Variants in DOCK1 observed in about 807,000 individuals in gnomAD.
The protein encoded by DOCK1 is dedicator of cytokinesis protein 1.
DOCK1 carries 138 observed loss-of-function variants against 262.7 expected under a neutral mutation model. The ratio of observed to expected loss-of-function variants is 0.53; its 90% CI spans 0.46 to 0.61. DOCK1 has a LOEUF of 0.61. DOCK1 is among the 20% of genes least tolerant of loss of function. The probability of loss-of-function intolerance (pLI) is 0.00; values close to 1 mark genes in which losing one functional copy is unlikely to be tolerated. For missense variants in DOCK1, 1,908 were observed against 2,370.7 expected (o/e 0.80, Z 4.05); for synonymous variants, 866 against 867.4 (o/e 1.00, Z 0.03).
rs1051029066 is a variant in DOCK1 at position 126,931,015 on chromosome 10, C to G, written c.46+25452C>G. Among the ~76,000 whole-genome samples the G allele has an allele frequency of 3.8e-3, 572 of 152,262 alleles. 3 individuals carry two copies. The highest frequency in any genetic ancestry group is 0.01 in the African/African-American group (432 of 41,566). The stretch of plus-strand genomic sequence containing the variant: ...ATGGGCAGTGCCAGCATCAGATTCC[C>G]TGCGTCGAGGATGGGGGCCCCAGGA... On this transcript the variant is annotated intron_variant, in intron 1 of 51. Coordinates refer to ENST00000623213, the MANE Select transcript of DOCK1 (RefSeq NM_001290223.2).
rs113267450 is a variant in DOCK1, at chr10:127,321,365, A to ATTT, written c.3045-17633_3045-17631dup. Among the ~76,000 whole-genome samples, 86 of 127,172 alleles carry ATTT rather than the reference A, an allele frequency of 6.8e-4. 1 individual carries two copies. Among genetic ancestry groups the ATTT allele is most frequent in the East Asian group, 1.2e-3 (5 of 4,300 alleles). 83.4% of individuals were successfully genotyped at this position (127,172 alleles called of 152,430 possible). On this transcript the variant is annotated intron_variant, in intron 29 of 51. Transcript: ENST00000623213. ...CCTTCTCTCGCTCTCTCTCTAGCTCATTTTTTTTTTCTTCTGCCCGGAAGA... is the reference window on the plus strand; with the variant it reads ...CCTTCTCTCGCTCTCTCTCTAGCTCATTTTTTTTTTTTTCTTCTGCCCGGAAGA...
chr10:127,050,695 ACT>A (rs1281122156), intron 21 of DOCK1, among the ~76,000 whole-genome samples: 3 of 148,212 alleles, frequency 2.0e-5, no homozygotes, highest in Admixed American at 6.8e-5. Context: ...ACAGAGCAAG[ACT>A]CTGTCTGAAA....
intron 29 of DOCK1, among the ~76,000 whole-genome samples, chr10:127,261,276 C>T (rs547062121): frequency 0.054 from 3,702 of 68,612 alleles, 162 homozygotes; most frequent in Non-Finnish European, 0.066. Context: ...TGTGTGTGTG[C>T]CTGCATGTGT....
At chr10:126,957,961 CAT>C (rs2036881763) in intron 1 of DOCK1, among the ~76,000 whole-genome samples, 1 of 152,184 alleles carries the variant, frequency 6.6e-6, no homozygotes, top group Non-Finnish European at 1.5e-5. Context: ...AGAAGTCAGA[CAT>C]AAAGGAGCAC....
intron 23 of DOCK1, among the ~76,000 whole-genome samples, chr10:127,088,032 A>T (rs1185274141): frequency 2.0e-5 from 3 of 152,178 alleles, no homozygotes; most frequent in Non-Finnish European, 2.9e-5. Context: ...ATTTGCTCTA[A>T]ATCATCTTTT....
chr10:127,163,366 G>T (rs1013619603), intron 27 of DOCK1, among the ~76,000 whole-genome samples: 4 of 152,046 alleles, frequency 2.6e-5, no homozygotes, highest in African/African-American at 9.7e-5. Context: ...TATACCGGGA[G>T]CTGTAGCTAT....
At position 127,252,899 on chromosome 10, in the gene DOCK1, T is replaced by A. The variant is rs553966789; in HGVS notation, c.2950-4436T>A. ...TTTTTTGGTTCTATTTTCTTGAGAC[T>A]ATTTCCTTTTAACAAGTACTAATTC... On this transcript the variant is annotated intron_variant, in intron 28 of 51. Coordinates refer to ENST00000623213, the MANE Select transcript of DOCK1 (RefSeq NM_001290223.2). 1.6e-4 allele frequency among the ~76,000 whole-genome samples: 25 copies of A among 152,294 alleles called. No individual in the cohort carries two copies. The East Asian group carries it at 3.5e-3, about 21-fold the overall frequency.
intron 17 of DOCK1, 116 bp from the exon 18 acceptor site, chr10:127,032,021 A>T: frequency 7.8e-7 from 1 of 1,284,472 alleles, no homozygotes; most frequent in Non-Finnish European, 1.1e-6. Flanking sequence ...ATGTGTATTT[A>T]ATATGATACA....
chr10:126,939,040 G>A (rs1263883139), intron 1 of DOCK1, among the ~76,000 whole-genome samples: 1 of 102,420 alleles, frequency 9.8e-6, no homozygotes, highest in Non-Finnish European at 1.9e-5. Flanking sequence ...GGATGAACAC[G>A]GTGGGGGGAT....
intron 49 of DOCK1, among the ~76,000 whole-genome samples, chr10:127,442,436 G>A (rs890923919): frequency 4.6e-5 from 7 of 152,134 alleles, no homozygotes; most frequent in Non-Finnish European, 7.3e-5. Flanking sequence ...GGGTTAATAC[G>A]TTTTCTAATT....
chr10:127,341,659 G>A (rs980301667), intron 30 of DOCK1, among the ~76,000 whole-genome samples: 2 of 152,112 alleles, frequency 1.3e-5, no homozygotes, highest in African/African-American at 4.8e-5. Flanking sequence ...CTCTGGTGGG[G>A]GAGCCTGTTT....
At chr10:127,439,295 C>A in intron 49 of DOCK1, 70 bp downstream of exon 49, 2 of 1,492,826 alleles carry the variant, frequency 1.3e-6, no homozygotes, top group South Asian at 1.3e-5. Context: ...CACCTGTAGC[C>A]AACAGGGCTG....
intron 11 of DOCK1, 71 bp downstream of exon 11, chr10:127,008,875 T>TAAAG: frequency 9.5e-6 from 12 of 1,260,828 alleles, no homozygotes; most frequent in Non-Finnish European, 1.2e-5. Flanking sequence ...TAATTATCTT[T>TAAAG]ATAATTAAAT....
intron 47 of DOCK1, among the ~76,000 whole-genome samples, chr10:127,428,956 T>TGCGTGGATTCGGGTACC (rs2069060501): frequency 1.5e-5 from 1 of 66,056 alleles, no homozygotes; most frequent in Non-Finnish European, 3.0e-5. Flanking sequence ...ATTGGGGTGC[T>TGCGTGGATTCGGGTACC]GTGTGGATTC....
At chr10:127,024,448 C>G (rs11018180) in intron 14 of DOCK1, among the ~76,000 whole-genome samples, 3,646 of 152,196 alleles carry the variant, frequency 0.024, 94 homozygotes, top group East Asian at 0.089. Context: ...AACTGGAGGT[C>G]AGTGTCATCC....
intron 27 of DOCK1, among the ~76,000 whole-genome samples, chr10:127,196,539 G>T (rs2134180752): frequency 6.8e-6 from 1 of 147,452 alleles, no homozygotes; most frequent in South Asian, 2.1e-4. Context: ...GGCGCCCCAA[G>T]CCGCGCGCCT....
In DOCK1 at chr10:127,375,588, C is replaced by T. The variant is rs577972538; in HGVS notation, c.3675+1374C>T. Among the ~76,000 whole-genome samples, 27 of 152,298 alleles carry T rather than the reference C, an allele frequency of 1.8e-4. No homozygotes were observed. The South Asian group carries it at 4.4e-3, about 25-fold the overall frequency. ...GAGTTGTGTGGATTAAAAAGATAAA[C>T]GAAAAGGAATGCTTTCACTTTTCAT... On this transcript the variant is annotated intron_variant, in intron 35 of 51. Transcript: ENST00000623213.
At chr10:127,339,149 C>T (rs927310182) in intron 30 of DOCK1, 65 bp downstream of exon 30, 27 of 1,362,122 alleles carry the variant, frequency 2.0e-5, no homozygotes, top group Admixed American at 5.9e-5. Context: ...CTGGTCCGAG[C>T]CAGTATCTTA....
At chr10:127,063,236 GA>G (rs1360729867) in intron 23 of DOCK1, among the ~76,000 whole-genome samples, 1 of 152,152 alleles carries the variant, frequency 6.6e-6, no homozygotes. Context: ...TATAATTTTA[GA>G]AGGCATTCTT....
Sources: allele counts gnomAD v4.1 joint callset (sites outside exome capture counted in the v4.1 genomes callset), GRCh38; gene constraint gnomAD v4.1.1; transcripts MANE v1.5; gene names NCBI Gene and HGNC (gene_info 2026-07-23, HGNC 2026-07-21).